ANKRD26: variants seen among roughly 807,000 people sequenced by gnomAD.
ANKRD26 encodes the protein ankyrin repeat domain 26.
ANKRD26 carries 141 observed loss-of-function variants against 208.7 expected under a neutral mutation model. The observed-to-expected ratio is 0.68, with a 90% confidence interval of 0.59 to 0.78. The LOEUF is 0.78. ANKRD26 is among the 30% of genes least tolerant of loss of function. ANKRD26 has a pLI of 0.00. For synonymous variants in ANKRD26, 636 were observed against 660.4 expected (o/e 0.96, Z 0.57); for missense variants, 1,889 against 1,938.7 (o/e 0.97, Z 0.48).
the ANKRD26 span, among the ~76,000 whole-genome samples, chr10:26,947,832 TTC>T: frequency 6.6e-6 from 1 of 152,262 alleles, no homozygotes; most frequent in African/African-American, 2.4e-5. Context: ...TACATATTCC[TTC>T]TCTTAGTTTA....
At chr10:26,984,890 CTG>C (rs2052360459) in intron 3 of ANKRD26, among the ~76,000 whole-genome samples, 1 of 152,068 alleles carries the variant, frequency 6.6e-6, no homozygotes, top group South Asian at 2.1e-4. Flanking sequence ...GCCCTGAAGA[CTG>C]AGGGTGGTAG....
At chr10:27,028,817 T>C in intron 27 of ANKRD26, 35 bp downstream of exon 27, 1 of 1,536,614 alleles carries the variant, frequency 6.5e-7, no homozygotes, top group Non-Finnish European at 9.0e-7. Context: ...ATAAAATTCC[T>C]TTTCAGTACG....
intron 4 of ANKRD26, among the ~76,000 whole-genome samples, chr10:27,087,451 T>G (rs2056160094): frequency 6.6e-6 from 1 of 152,244 alleles, no homozygotes; most frequent in Non-Finnish European, 1.5e-5. Context: ...CTCCAAAGGT[T>G]CTAATATTCA....
Position 27,061,147 on chromosome 10 carries a change from T to C in ANKRD26, c.1459A>G (p.Met487Val), listed in dbSNP as rs1441201952. The change falls in exon 13 of 34, where the codon ATG becomes GTG. Residue 487 changes from methionine to valine, a missense_variant. Coordinates refer to ENST00000376087, the MANE Select transcript of ANKRD26 (RefSeq NM_014915.3). ...AATACGCATTTTTTTTCCATACCCA[T>C]GTGGGCTACTGGCATGCCTACATTT... ...TRNVGMPVAH[M>V]ESPERYLHLK... is the part of the protein sequence containing the mutation. 3.1e-6 allele frequency: 5 copies of C among 1,603,160 alleles called. No individual in the cohort carries two copies. The highest frequency in any genetic ancestry group is 2.7e-5 in the African/African-American group (2 of 74,694).
intron 4 of ANKRD26, 123 bp from the exon 5 acceptor site, chr10:27,086,732 A>T: frequency 9.4e-7 from 1 of 1,064,174 alleles, no homozygotes. Context: ...TAATTATCCC[A>T]TACACTTCAA....
chr10:27,096,205 T>C (rs1259499846), intron 1 of ANKRD26, among the ~76,000 whole-genome samples: 2 of 152,184 alleles, frequency 1.3e-5, no homozygotes, highest in Non-Finnish European at 2.9e-5. Flanking sequence ...GACAGTTTTA[T>C]ATGAGAAATC....
intron 6 of ANKRD26, 137 bp from the exon 7 acceptor site, chr10:27,079,298 AATG>A (rs2055816914): frequency 2.8e-6 from 2 of 708,868 alleles, no homozygotes; most frequent in African/African-American, 3.6e-5. Flanking sequence ...CTGCATATTA[AATG>A]ATGTTTCTTG....
chr10:26,970,962 T>C (rs568905818), downstream of ANKRD26, among the ~76,000 whole-genome samples: 1 of 152,348 alleles, frequency 6.6e-6, no homozygotes, highest in Admixed American at 6.5e-5. Flanking sequence ...AGAGAGACTT[T>C]GTAATAGGGC....
chr10:26,986,432 A>T (rs1244459159), intron 3 of ANKRD26, among the ~76,000 whole-genome samples: 1 of 152,122 alleles, frequency 6.6e-6, no homozygotes, highest in Admixed American at 6.5e-5. Context: ...GACAAATGGG[A>T]TCTAATTAAA....
rs1251268342 is a variant in ANKRD26 at position 27,032,659 on chromosome 10, AC to A, written c.3807+565del. On this transcript the variant is annotated intron_variant, in intron 25 of 33. Coordinates refer to ENST00000376087, the MANE Select transcript of ANKRD26 (RefSeq NM_014915.3). Reference sequence around the variant, plus strand: ...TCAAAAAAAAAACAAAAAACAAAAAACAAAAATTAGCTGGGCATGCTGGCAC... The same window carrying A: ...TCAAAAAAAAAACAAAAAACAAAAAAAAAAATTAGCTGGGCATGCTGGCAC... Among the ~76,000 whole-genome samples, 9 of 151,494 alleles carry A rather than the reference AC, an allele frequency of 5.9e-5. 1 individual carries two copies. Among genetic ancestry groups the A allele is most frequent in the Admixed American group, 5.9e-4 (9 of 15,222 alleles).
At chr10:26,970,138 G>A (rs1014815669), downstream of ANKRD26, among the ~76,000 whole-genome samples, 2 of 151,980 alleles carry the variant, frequency 1.3e-5, no homozygotes, top group Non-Finnish European at 2.9e-5. Context: ...TCTGTTAGCT[G>A]TTATTTTGTT....
At chr10:26,982,291 C>A (rs997005647) in intron 4 of ANKRD26, among the ~76,000 whole-genome samples, 1 of 152,188 alleles carries the variant, frequency 6.6e-6, no homozygotes, top group Non-Finnish European at 1.5e-5. Flanking sequence ...AGCCTTTTAT[C>A]TTTGCAGCCA....
At chr10:27,065,053 CCCT>C (rs1314096610) in intron 11 of ANKRD26, among the ~76,000 whole-genome samples, 1 of 152,052 alleles carries the variant, frequency 6.6e-6, no homozygotes, top group Non-Finnish European at 1.5e-5. Context: ...GCCCAGAATG[CCCT>C]CCTTCTAGCC....
At chr10:27,024,682 C>A in intron 27 of ANKRD26, 123 bp from the exon 28 acceptor site, 1 of 523,646 alleles carries the variant, frequency 1.9e-6, no homozygotes, top group Non-Finnish European at 3.4e-6. Flanking sequence ...AGTTTATAAA[C>A]CTAATGGCAA....
intron 28 of ANKRD26, 101 bp from the exon 29 acceptor site, chr10:27,022,788 G>C (rs1274315117): frequency 9.3e-7 from 1 of 1,080,576 alleles, no homozygotes; most frequent in Non-Finnish European, 1.3e-6. Context: ...AAAAACAAAT[G>C]AATCATGATT....
At chr10:26,985,503 A>C (rs1834540533) in intron 3 of ANKRD26, among the ~76,000 whole-genome samples, 1 of 152,090 alleles carries the variant, frequency 6.6e-6, no homozygotes, top group Non-Finnish European at 1.5e-5. Flanking sequence ...GGTTTTCTTC[A>C]ACATGTTTTT....
chr10:26,979,755 G>A (rs2052280085), intron 5 of ANKRD26, among the ~76,000 whole-genome samples: 1 of 152,126 alleles, frequency 6.6e-6, no homozygotes, highest in East Asian at 1.9e-4. Context: ...GTATCCTCCT[G>A]CTGTGGCTTC....
rs549764530 is a variant in ANKRD26, at chr10:27,084,128, G to A, written c.710-1295C>T. 1.1e-4 allele frequency among the ~76,000 whole-genome samples: 16 copies of A among 149,920 alleles called. No individual in the cohort carries two copies. In the East Asian group the frequency reaches 2.2e-3, roughly 20 times the overall value. On this transcript the variant is annotated intron_variant, in intron 5 of 33. Transcript: ENST00000376087. ...CTCAGGAGGCTGAGGCAGGAGAATC[G>A]CTTGAACCCAGAAGGCGGAGGTTGC...
rs527433622 is a variant in ANKRD26 at position 27,004,744 on chromosome 10, G to A, written c.*846C>T. ...AATATTCAAGGTCATGAAGGTCAAG[G>A]AAAGACTGAGGAACTGTTCCAGACT... On this transcript the variant is annotated 3_prime_UTR_variant, in exon 34 of 34. Coordinates refer to ENST00000376087, the MANE Select transcript of ANKRD26 (RefSeq NM_014915.3). The A allele has an allele frequency of 2.0e-5, 3 of 151,940 alleles. No individual in the cohort carries two copies. The highest frequency in any genetic ancestry group is 2.0e-4 in the Admixed American group (3 of 15,268). The allele number at this position is 151,940 out of a possible 1,614,324, so 9.4% of individuals were successfully genotyped here.
Sources: gnomAD v4.1 joint callset for allele counts (sites outside exome capture counted in the v4.1 genomes callset) on GRCh38, gnomAD v4.1.1 for gene constraint, MANE v1.5 for transcripts, NCBI Gene and HGNC (gene_info 2026-07-23, HGNC 2026-07-21) for gene names.